The following CIRSR variants were observed in gnomAD, a reference collection of about 807,000 sequenced individuals.
CIRSR encodes corepressor of RBPJ and splicing regulator.
At chr2:174,351,751 T>C in the CIRSR span, 2 of 1,585,922 alleles carry the variant, frequency 1.3e-6, no homozygotes, top group African/African-American at 2.7e-5. Context: ...ACAGTTTGAA[T>C]GTATCATTTA....
At chr2:174,351,699 T>C in the CIRSR span, 1 of 1,613,588 alleles carries the variant, frequency 6.2e-7, no homozygotes, top group Non-Finnish European at 8.5e-7. Flanking sequence ...ATCTCCGCTA[T>C]TAGCTCCGAG....
the CIRSR span, chr2:174,370,111 G>A: frequency 7.7e-7 from 1 of 1,305,434 alleles, no homozygotes. Flanking sequence ...GTGTAGAGCT[G>A]AGTTCAACGG....
the CIRSR span, chr2:174,348,754 G>A: frequency 1.2e-6 from 2 of 1,614,084 alleles, no homozygotes; most frequent in Non-Finnish European, 1.7e-6. Flanking sequence ...CTCTTCTCTG[G>A]GCTATGTTTA....
chr2:174,376,676 T>G, the CIRSR span, among the ~76,000 whole-genome samples: 1 of 151,578 alleles, frequency 6.6e-6, no homozygotes, highest in South Asian at 2.1e-4. Flanking sequence ...CAGGCACCTG[T>G]AGTCCCAGCT....
At chr2:174,386,692 CA>C in the CIRSR span, among the ~76,000 whole-genome samples, 1 of 151,976 alleles carries the variant, frequency 6.6e-6, no homozygotes, top group South Asian at 2.1e-4. Flanking sequence ...AGGGAGGGCG[CA>C]AAAAACGGCG....
the CIRSR span, among the ~76,000 whole-genome samples, chr2:174,354,512 CAT>C: frequency 1.3e-5 from 1 of 77,606 alleles, no homozygotes; most frequent in African/African-American, 5.8e-5. Flanking sequence ...TTATATATAT[CAT>C]ATAATATATT....
chr2:174,358,763 A>C, the CIRSR span, among the ~76,000 whole-genome samples: 2 of 152,144 alleles, frequency 1.3e-5, no homozygotes, highest in African/African-American at 4.8e-5. Context: ...CCCAGACTGG[A>C]GTGCAGTGGC....
the CIRSR span, among the ~76,000 whole-genome samples, chr2:174,386,243 G>A: frequency 6.6e-6 from 1 of 152,164 alleles, no homozygotes; most frequent in Non-Finnish European, 1.5e-5. Context: ...GTTCAGTGGC[G>A]TGATCTTGGC....
chr2:174,361,384 C>A, the CIRSR span, among the ~76,000 whole-genome samples: 1 of 152,200 alleles, frequency 6.6e-6, no homozygotes, highest in Non-Finnish European at 1.5e-5. Flanking sequence ...AGAAGGGCAA[C>A]TGAGTTTGTC....
chr2:174,382,290 A>C, the CIRSR span, among the ~76,000 whole-genome samples: 2 of 152,216 alleles, frequency 1.3e-5, no homozygotes, highest in African/African-American at 4.8e-5. Flanking sequence ...CAGGGCTTGT[A>C]AGAGTCACAG....
chr2:174,361,150 G>A, the CIRSR span, among the ~76,000 whole-genome samples: 5 of 152,090 alleles, frequency 3.3e-5, no homozygotes, highest in Non-Finnish European at 7.4e-5. Context: ...TTTATTTTGA[G>A]GTCAGTTCTT....
chr2:174,385,405 G>A, the CIRSR span, among the ~76,000 whole-genome samples: 13 of 151,894 alleles, frequency 8.6e-5, no homozygotes, highest in Non-Finnish European at 1.5e-4. Flanking sequence ...ATAAACACTT[G>A]GCAAATGACC....
chr2:174,372,128 T>G, the CIRSR span, among the ~76,000 whole-genome samples: 1 of 152,260 alleles, frequency 6.6e-6, no homozygotes, highest in East Asian at 1.9e-4. Flanking sequence ...TTTAGTTAAG[T>G]ACTACTGCTA....
At chr2:174,357,353 T>C in the CIRSR span, among the ~76,000 whole-genome samples, 1 of 152,178 alleles carries the variant, frequency 6.6e-6, no homozygotes, top group Admixed American at 6.5e-5. Flanking sequence ...TTTGTAAAGT[T>C]TGGATTTAGG....
chr2:174,363,691 A>G, the CIRSR span, among the ~76,000 whole-genome samples: 2 of 152,316 alleles, frequency 1.3e-5, no homozygotes, highest in Admixed American at 1.3e-4. Flanking sequence ...CATGTCTTAC[A>G]TGGATGGCAG....
chr2:174,352,807 G>A, the CIRSR span, among the ~76,000 whole-genome samples: 2 of 152,198 alleles, frequency 1.3e-5, no homozygotes, highest in South Asian at 4.1e-4. Flanking sequence ...GTCACTTAGG[G>A]AAGAATGAGA....
the CIRSR span, among the ~76,000 whole-genome samples, chr2:174,367,137 G>C: frequency 6.6e-6 from 1 of 152,128 alleles, no homozygotes; most frequent in Admixed American, 6.5e-5. Flanking sequence ...GATAAGAATG[G>C]TCTTAACACA....
the CIRSR span, among the ~76,000 whole-genome samples, chr2:174,392,154 C>T: frequency 6.6e-6 from 1 of 152,280 alleles, no homozygotes. Context: ...CCCGCCACCA[C>T]ACCCAGCTAA....
chr2:174,352,860 T>C, the CIRSR span, among the ~76,000 whole-genome samples: 1 of 152,216 alleles, frequency 6.6e-6, no homozygotes, highest in Non-Finnish European at 1.5e-5. Context: ...GGTAGGGGGA[T>C]AGAAAAATAT....
Sources: allele counts gnomAD v4.1 joint callset (sites outside exome capture counted in the v4.1 genomes callset), GRCh38; gene constraint gnomAD v4.1.1; transcripts MANE v1.5; gene names NCBI Gene and HGNC (gene_info 2026-07-23, HGNC 2026-07-21).